MTHFD1: variants seen among roughly 807,000 people sequenced by gnomAD.
MTHFD1 encodes C-1-tetrahydrofolate synthase, cytoplasmic.
Under a neutral mutation model 110.3 loss-of-function variants are expected in MTHFD1, and 44 were observed. The ratio of observed to expected loss-of-function variants is 0.40; its 90% confidence interval spans 0.31 to 0.51. The LOEUF (loss-of-function observed/expected upper bound fraction) is 0.51. Ranked by LOEUF, MTHFD1 falls within the 20% of genes least tolerant of loss-of-function variation. MTHFD1 has a pLI of 0.60. For missense variants in MTHFD1, 909 were observed against 1,173.1 expected (o/e 0.77, Z 3.29); for synonymous variants, 402 against 428.8 (o/e 0.94, Z 0.77).
At position 64,431,952 on chromosome 14, in the gene MTHFD1, A is replaced by G. The variant is rs1384297392; in HGVS notation, c.1494+91A>G. On this transcript the variant is annotated intron_variant, in intron 15 of 27. Transcript: ENST00000652337. The stretch of plus-strand genomic sequence containing the variant: ...CATAAAAGTCTTCTTGGAGTAGCCT[A>G]TTTTAGATGAAGTTACATCAGTAAT... The G allele has an allele frequency of 5.5e-6, 6 of 1,089,886 alleles. No individual in the cohort carries two copies. In the South Asian group the frequency reaches 6.4e-5, roughly 12 times the overall value. The allele number at this position is 1,089,886 out of a possible 1,614,324, so 67.5% of individuals were successfully genotyped here. A position where few individuals can be genotyped will look rare whatever the true frequency, so the allele number is the denominator to read the frequency against.
In MTHFD1 at chr14:64,444,130, A is replaced by C. The variant is rs568808390; in HGVS notation, c.2137-563A>C. 4.6e-5 allele frequency among the ~76,000 whole-genome samples: 7 copies of C among 152,110 alleles called. No homozygotes were observed. In the South Asian group the frequency reaches 1.5e-3, roughly 32 times the overall value. Reference sequence around the variant, plus strand: ...CTGGGGGCTGGGGGGCGGGGCGGGGAGGCACCAGACACCTCCATCCTTTAG... The same window carrying C: ...CTGGGGGCTGGGGGGCGGGGCGGGGCGGCACCAGACACCTCCATCCTTTAG... On this transcript the variant is annotated intron_variant, in intron 21 of 27. Coordinates refer to ENST00000652337, the MANE Select transcript of MTHFD1 (RefSeq NM_005956.4).
intron 6 of MTHFD1, among the ~76,000 whole-genome samples, chr14:64,416,215 A>C (rs2078024968): frequency 6.6e-6 from 1 of 152,172 alleles, no homozygotes; most frequent in Non-Finnish European, 1.5e-5. Flanking sequence ...ACTGCACTCC[A>C]GCCTGGGCAA....
intron 4 of MTHFD1, 52 bp from the exon 5 acceptor site, chr14:64,415,306 C>A: frequency 1.9e-6 from 3 of 1,540,700 alleles, no homozygotes; most frequent in Non-Finnish European, 2.7e-6. Context: ...GTGTTTCTTC[C>A]TACCTTTTGA....
At chr14:64,428,467 G>A (rs2078134917) in intron 12 of MTHFD1, among the ~76,000 whole-genome samples, 1 of 150,858 alleles carries the variant, frequency 6.6e-6, no homozygotes, top group Non-Finnish European at 1.5e-5. Context: ...CTTAGAGTTA[G>A]CTTTCTCTGC....
chr14:64,448,034 C>A, intron 22 of MTHFD1, 183 bp from the exon 23 acceptor site: 2 of 634,206 alleles, frequency 3.2e-6, no homozygotes, highest in Non-Finnish European at 5.7e-6. Flanking sequence ...AGCTGCAGTT[C>A]TCCATAGCAT....
At chr14:64,456,938 A>G (rs994254615) in intron 26 of MTHFD1, among the ~76,000 whole-genome samples, 2 of 152,192 alleles carry the variant, frequency 1.3e-5, no homozygotes, top group African/African-American at 4.8e-5. Flanking sequence ...GTGTGTATTC[A>G]TTATATAGGA....
intron 1 of MTHFD1, among the ~76,000 whole-genome samples, chr14:64,398,416 G>A (rs2077873636): frequency 1.3e-5 from 2 of 152,130 alleles, no homozygotes; most frequent in African/African-American, 2.4e-5. Flanking sequence ...GTGTGGTGGT[G>A]TGCACCTGTA....
intron 19 of MTHFD1, 54 bp from the exon 20 acceptor site, chr14:64,442,000 T>C: frequency 8.6e-7 from 1 of 1,157,000 alleles, no homozygotes; most frequent in Non-Finnish European, 1.3e-6. Context: ...GAATGTGTGA[T>C]CCCACTTTGA....
chr14:64,436,390 G>A (rs1219455673), intron 16 of MTHFD1, among the ~76,000 whole-genome samples: 1 of 152,062 alleles, frequency 6.6e-6, no homozygotes, highest in East Asian at 1.9e-4. Flanking sequence ...CACCGCACCC[G>A]GCCTACCTAA....
intron 12 of MTHFD1, among the ~76,000 whole-genome samples, chr14:64,427,906 A>T (rs1189440466): frequency 1.3e-5 from 2 of 152,102 alleles, no homozygotes; most frequent in Non-Finnish European, 2.9e-5. Context: ...GTTTTTGCAT[A>T]TTATTCTATC....
rs145388369 is a variant in MTHFD1, at chr14:64,447,265, C to G, written c.2179-952C>G. 3.6e-3 allele frequency among the ~76,000 whole-genome samples: 533 copies of G among 149,346 alleles called. 4 individuals are homozygous for G. The highest frequency in any genetic ancestry group is 0.012 in the African/African-American group (479 of 40,552). ...CCGCCTCTGGGGTTCAAGTGATTCT[C>G]CTCCCTCAGCCTCCCAAGCAGCTGG... On this transcript the variant is annotated intron_variant, in intron 22 of 27. Coordinates refer to ENST00000652337, the MANE Select transcript of MTHFD1 (RefSeq NM_005956.4).
intron 8 of MTHFD1, among the ~76,000 whole-genome samples, chr14:64,421,692 C>T (rs1219685976): frequency 4.6e-5 from 7 of 151,388 alleles, no homozygotes; most frequent in Non-Finnish European, 8.8e-5. Context: ...GGCGCGATCT[C>T]GGCTCACTGC....
At position 64,422,235 on chromosome 14, in the gene MTHFD1, T is replaced by C. The variant is rs547725147; in HGVS notation, c.727+2310T>C. Among the ~76,000 whole-genome samples, 129 of 152,282 alleles carry C rather than the reference T, an allele frequency of 8.5e-4. 1 individual carries two copies. Among genetic ancestry groups the C allele is most frequent in the Non-Finnish European group, 7.5e-4 (51 of 68,038 alleles). ...GGATGTTATTGTGTTCCCCAAAGGA[T>C]GGCAGAATCACTCAGTTACAGACCA... is the stretch of plus-strand genomic sequence containing the variant. On this transcript the variant is annotated intron_variant, in intron 8 of 27. Transcript: ENST00000652337.
chr14:64,414,889 A>C (rs998281838), intron 4 of MTHFD1, among the ~76,000 whole-genome samples: 1 of 151,892 alleles, frequency 6.6e-6, no homozygotes, highest in Non-Finnish European at 1.5e-5. Flanking sequence ...GGGTTTCACT[A>C]TGTTGGCCCA....
In MTHFD1 at chr14:64,440,229, C is replaced by T; in HGVS notation, c.1778C>T (p.Ser593Phe). The stretch of plus-strand genomic sequence containing the variant: ...AGACTGGGCAAAATGGTGGTGGCAT[C>T]CAGTAAGAAAGGAGAGCCCGTCAGT... ...RERLGKMVVA[S>F]SKKGEPVSAE... The change falls in exon 18 of 28, where the codon TCC becomes TTC. Residue 593 changes from serine to phenylalanine, a missense_variant. Physicochemically the swap from Ser to Phe is radical, Grantham distance 155. This residue lies in a region of MTHFD1 where 482 missense variants were observed against 646.0 expected (regional missense o/e 0.75). Transcript: ENST00000652337. The T allele has an allele frequency of 6.2e-7, 1 of 1,614,110 alleles. No individual in the cohort carries two copies. The highest frequency in any genetic ancestry group is 8.5e-7 in the Non-Finnish European group (1 of 1,180,030).
intron 24 of MTHFD1, among the ~76,000 whole-genome samples, chr14:64,450,651 A>G (rs1157751301): frequency 6.6e-6 from 1 of 152,140 alleles, no homozygotes; most frequent in Non-Finnish European, 1.5e-5. Flanking sequence ...GGAATATGAG[A>G]TATATGCTGT....
intron 17 of MTHFD1, chr14:64,439,448 T>C (rs766091981): frequency 8.1e-6 from 4 of 493,476 alleles, no homozygotes; most frequent in Non-Finnish European, 1.5e-5. Flanking sequence ...TTAAAATTGC[T>C]TCTTTTTTGT....
At chr14:64,443,406 A>G (rs2078263563) in intron 21 of MTHFD1, among the ~76,000 whole-genome samples, 1 of 152,246 alleles carries the variant, frequency 6.6e-6, no homozygotes, top group African/African-American at 2.4e-5. Flanking sequence ...GTCTGGCTTA[A>G]TTGAAGACAG....
Position 64,415,264 on chromosome 14 carries a change from G to C in MTHFD1, c.241-94G>C, listed in dbSNP as rs554808229. 74 of 1,058,496 alleles carry C rather than the reference G, an allele frequency of 7.0e-5. No individual in the cohort carries two copies. The African/African-American group carries it at 1.1e-3, about 15-fold the overall frequency. 65.6% of individuals were successfully genotyped at this position (1,058,496 alleles called of 1,614,324 possible). On this transcript the variant is annotated intron_variant, in intron 4 of 27. Transcript: ENST00000652337. ...AGGACTATAATTAAAGTGTTGGGGGGAAATAGGGCAACCTAATTTTTGCCT... is the reference window on the plus strand; with the variant it reads ...AGGACTATAATTAAAGTGTTGGGGGCAAATAGGGCAACCTAATTTTTGCCT...
Sources: gnomAD v4.1 joint callset for allele counts (sites outside exome capture counted in the v4.1 genomes callset) on GRCh38, gnomAD v4.1.1 for gene constraint, gnomAD v4.1.1 regional missense constraint, MANE v1.5 for transcripts, NCBI Gene and HGNC (gene_info 2026-07-23, HGNC 2026-07-21) for gene names.